The following EIF4G1 variants were observed in gnomAD, a reference collection of about 807,000 sequenced individuals.
EIF4G1 encodes EIF4-gamma.
EIF4G1 carries 4 observed loss-of-function variants against 187.8 expected under a neutral mutation model. That is an observed-to-expected ratio of 0.02 (90% confidence interval 0.01 to 0.05). EIF4G1 has a LOEUF of 0.05. EIF4G1 is among the 10% of genes least tolerant of loss of function. The pLI is 1.00. For missense variants in EIF4G1, 1,647 were observed against 2,081.1 expected (o/e 0.79, Z 4.06); for synonymous variants, 844 against 781.4 (o/e 1.08, Z -1.34).
rs570198770 is a variant in EIF4G1, at chr3:184,318,380, T to G, written c.424+564T>G. Among the ~76,000 whole-genome samples, 13 of 152,310 alleles carry G rather than the reference T, an allele frequency of 8.5e-5. No individual in the cohort carries two copies. The South Asian group carries it at 2.7e-3, about 32-fold the overall frequency. ...GATCTTGCTTGTAATCCCAGCACTT[T>G]GGGAGTCAGGAGGACTGCTTAAGGC... is the stretch of plus-strand genomic sequence containing the variant. On this transcript the variant is annotated intron_variant, in intron 6 of 32. Transcript: ENST00000346169.
chr3:184,317,385 C>T lies in EIF4G1; in HGVS notation c.212C>T (p.Pro71Leu), dbSNP rs758297253. Residue 71 changes from proline (P) to leucine (L), a missense_variant, in exon 5 of 33, where the codon CCT becomes CTT. Physicochemically the swap from Pro to Leu is moderately conservative, Grantham distance 98. This residue lies in a region of EIF4G1 where 139 missense variants were observed against 187.3 expected (regional missense o/e 0.74). Transcript: ENST00000346169. ...SAASRVQSAA[P>L]ARPGPAAHVY... Reference sequence around the variant, plus strand: ...GCCTCCCGAGTGCAGAGTGCAGCCCCTGCCCGCCCTGGCCCAGCTGCCCAT... The same window carrying T: ...GCCTCCCGAGTGCAGAGTGCAGCCCTTGCCCGCCCTGGCCCAGCTGCCCAT... 1 of 1,614,118 alleles carries T rather than the reference C, an allele frequency of 6.2e-7. No homozygotes were observed. Among genetic ancestry groups the T allele is most frequent in the South Asian group, 1.1e-5 (1 of 91,084 alleles).
rs1467408051 is a variant in EIF4G1 at position 184,324,943 on chromosome 3, T to C, written c.2685T>C (p.Ser895=). The C allele has an allele frequency of 8.7e-6, 14 of 1,614,122 alleles. No homozygotes were observed. The Admixed American group carries it at 2.3e-4, about 27-fold the overall frequency. The change falls in exon 18 of 33, where the codon TCT becomes TCC. Residue 895 remains serine (S), a synonymous_variant. Transcript: ENST00000346169. ...EEARDIARRR[S]LGNIKFIGEL... is the part of the protein sequence containing the mutation. ...CTCGGGACATAGCCCGGCGGCGCTC[T>C]TTAGGGAATATCAAGTTTATTGGAG...
chr3:184,326,612 C>A lies in EIF4G1; in HGVS notation c.3308C>A (p.Ala1103Asp). The change falls in exon 22 of 33, where the codon GCC becomes GAC. Residue 1103 changes from alanine to aspartate, a missense_variant. Ala to Asp is a moderately radical substitution (Grantham distance 126). Around this residue, in one of 11 missense-constraint regions of EIF4G1, gnomAD observed 142 missense variants for 296.6 expected, o/e 0.48. Coordinates refer to ENST00000346169, the MANE Select transcript of EIF4G1 (RefSeq NM_198241.3). ...WGKGSSGGSG[A>D]KPSDAASEAA... ...AAGGGCAGCAGCGGAGGCTCAGGAG[C>A]CAAGCCCTCAGACGCAGGTATGGAG... The A allele has an allele frequency of 6.2e-7, 1 of 1,610,752 alleles. No individual in the cohort carries two copies. Among genetic ancestry groups the A allele is most frequent in the South Asian group, 1.1e-5 (1 of 91,086 alleles).
At chr3:184,320,888 C>T (rs1723780402) in intron 8 of EIF4G1, 39 bp from the exon 9 acceptor site, 1 of 1,613,504 alleles carries the variant, frequency 6.2e-7, no homozygotes, top group Non-Finnish European at 8.5e-7. Flanking sequence ...GGTTGTGGGA[C>T]TCTTCAGTGC....
At chr3:184,316,289 T>G (rs1722762158) in intron 4 of EIF4G1, 71 bp downstream of exon 4, 1 of 1,575,510 alleles carries the variant, frequency 6.3e-7, no homozygotes, top group South Asian at 1.1e-5. Context: ...AGTTTAGGTC[T>G]AGGATGGAAA....
chr3:184,323,076 T>G lies in EIF4G1; in HGVS notation c.1930-7T>G, dbSNP rs1724197464. 6.2e-7 allele frequency: 1 copy of G among 1,614,196 alleles called. No homozygotes were observed. The highest frequency in any genetic ancestry group is 1.3e-5 in the African/African-American group (1 of 75,050). ...GCTTCTGAGACCTTTTCCTGTCCTC[T>G]TTGCAGGCCAATAAAACACCACTGC... is the stretch of plus-strand genomic sequence containing the variant. On this transcript the variant is annotated splice_polypyrimidine_tract_variant and splice_region_variant and intron_variant, in intron 13 of 32. Coordinates refer to ENST00000346169, the MANE Select transcript of EIF4G1 (RefSeq NM_198241.3). The surrounding 1 kb of genome is among the most constrained non-coding windows in gnomAD (Gnocchi z 6.9).
intron 6 of EIF4G1, chr3:184,319,311 G>A (rs536136086): frequency 3.9e-5 from 12 of 310,368 alleles, no homozygotes; most frequent in South Asian, 2.8e-4. Flanking sequence ...GAGTATGTGT[G>A]TACATGTTGA....
chr3:184,321,890 A>G lies in EIF4G1; in HGVS notation c.1306A>G (p.Thr436Ala), dbSNP rs764457704. The G allele has an allele frequency of 1.7e-5, 27 of 1,613,888 alleles. No individual in the cohort carries two copies. The highest frequency in any genetic ancestry group is 2.3e-5 in the Non-Finnish European group (27 of 1,180,004). The change falls in exon 10 of 33, where the codon ACC becomes GCC. Residue 436 changes from threonine to alanine, a missense_variant. By Grantham distance (58) the Thr-to-Ala change is moderately conservative. Around this residue, in one of 11 missense-constraint regions of EIF4G1, gnomAD observed 522 missense variants for 485.2 expected, o/e 1.08. Transcript: ENST00000346169. ...GGTGACAGCATCAATGGCGCCCCCC[A>G]CCATCCCCTCTGCTACTCCAGCTAC... ...KEVTASMAPP[T>A]IPSATPATAP... is the part of the protein sequence containing the mutation.
Position 184,325,612 on chromosome 3 carries a change from C to T in EIF4G1, c.3094C>T (p.Arg1032Trp), listed in dbSNP as rs778431870. The T allele has an allele frequency of 5.0e-6, 8 of 1,614,210 alleles. No homozygotes were observed. The highest frequency in any genetic ancestry group is 2.2e-5 in the East Asian group (1 of 44,880). The change falls in exon 20 of 33, where the codon CGG becomes TGG. Residue 1032 changes from arginine to tryptophan, a missense_variant. Physicochemically the swap from Arg to Trp is moderately radical, Grantham distance 101. This residue lies in a region of EIF4G1 where 142 missense variants were observed against 296.6 expected (regional missense o/e 0.48). Coordinates refer to ENST00000346169, the MANE Select transcript of EIF4G1 (RefSeq NM_198241.3). The surrounding 1 kb of genome is among the most constrained non-coding windows in gnomAD (Gnocchi z 5.2). The stretch of plus-strand genomic sequence containing the variant: ...CATGGCCAAGGGCAGTGACAAGCGT[C>T]GGGGCGGTCCTCCAGGCCCTCCCAT... Reference protein sequence around the residue: ...QLMAKGSDKRRGGPPGPPISR... With the variant: ...QLMAKGSDKRWGGPPGPPISR...
intron 3 of EIF4G1, 81 bp from the exon 4 acceptor site, chr3:184,316,051 C>G: frequency 1.0e-5 from 16 of 1,589,230 alleles, no homozygotes; most frequent in Non-Finnish European, 1.2e-5. Flanking sequence ...TGCCGCAGAT[C>G]TGCTCCCCTT....
chr3:184,322,018 A>G lies in EIF4G1; in HGVS notation c.1434A>G (p.Lys478=). The part of the protein sequence containing the change: ...AGEAGEAESE[K]GGEELLPPES... Reference sequence around the variant, plus strand: ...AAGCAGGAGAAGCTGAGAGTGAGAAAGGAGGAGAGGAACTGCTCCCCCCAG... The same window carrying G: ...AAGCAGGAGAAGCTGAGAGTGAGAAGGGAGGAGAGGAACTGCTCCCCCCAG... The change falls in exon 10 of 33, where the codon AAA becomes AAG. Residue 478 remains lysine (K), a synonymous_variant. Coordinates refer to ENST00000346169, the MANE Select transcript of EIF4G1 (RefSeq NM_198241.3). 1 of 1,614,100 alleles carries G rather than the reference A, an allele frequency of 6.2e-7. No homozygotes were observed.
intron 26 of EIF4G1, 52 bp from the exon 27 acceptor site, chr3:184,328,579 A>C: frequency 6.2e-7 from 1 of 1,613,592 alleles, no homozygotes; most frequent in South Asian, 1.1e-5. Context: ...TTGCCCCAGA[A>C]GGAGAGTGGG....
In EIF4G1 at chr3:184,327,720, G is replaced by T. The variant is rs368924404; in HGVS notation, c.3780+16G>T. ...TGACATGAAAGTAGGCAGTGGGAGC[G>T]GCGTGTGATTGAGGAGTGGGCAGGG... On this transcript the variant is annotated intron_variant, in intron 25 of 32. Coordinates refer to ENST00000346169, the MANE Select transcript of EIF4G1 (RefSeq NM_198241.3). The T allele has an allele frequency of 6.2e-7, 1 of 1,613,680 alleles. No homozygotes were observed. Among genetic ancestry groups the T allele is most frequent in the Admixed American group, 1.7e-5 (1 of 59,992 alleles).
Position 184,319,701 on chromosome 3 carries a change from A to G in EIF4G1, c.437A>G (p.Tyr146Cys). The change falls in exon 7 of 33, where the codon TAT (tyrosine) becomes TGT (cysteine). Residue 146 changes from tyrosine (Y) to cysteine (C), a missense_variant. By Grantham distance (194) the Tyr-to-Cys change is radical. This residue lies in a region of EIF4G1 where 139 missense variants were observed against 187.3 expected (regional missense o/e 0.74). Transcript: ENST00000346169. ...CCCCTCCCCCAAGCTGGCGCCTACT[A>G]TCCAGCCCAAGGGGTGCAGCAGTTT... is the stretch of plus-strand genomic sequence containing the variant. ...TEFGTYAGAY[Y>C]PAQGVQQFPT... The G allele has an allele frequency of 5.6e-6, 9 of 1,598,412 alleles. No individual in the cohort carries two copies. Among genetic ancestry groups the G allele is most frequent in the Non-Finnish European group, 7.7e-6 (9 of 1,172,638 alleles).
chr3:184,327,946 G>T lies in EIF4G1; in HGVS notation c.3897G>T (p.Gln1299His). Residue 1299 changes from glutamine to histidine, a missense_variant, in exon 26 of 33, where the codon CAG becomes CAT. Transcript: ENST00000346169. ...RSAIAREHMG[Q>H]LLHQLLCAGH... ...CCATTGCTCGTGAGCATATGGGGCA[G>T]CTGCTGCACCAGCTGCTCTGTGCTG... is the stretch of plus-strand genomic sequence containing the variant. 6.2e-7 allele frequency: 1 copy of T among 1,611,706 alleles called. No homozygotes were observed. Among genetic ancestry groups the T allele is most frequent in the Non-Finnish European group, 8.5e-7 (1 of 1,180,034 alleles).
intron 7 of EIF4G1, 81 bp downstream of exon 7, chr3:184,319,882 G>C: frequency 9.5e-7 from 1 of 1,051,592 alleles, no homozygotes; most frequent in Non-Finnish European, 1.4e-6. Flanking sequence ...GTGCCGGAAA[G>C]AGCAGTGACT....
rs780755870 is a variant in EIF4G1 at position 184,320,954 on chromosome 3, A to T, written c.658A>T (p.Asn220Tyr). 1.2e-6 allele frequency: 2 copies of T among 1,614,202 alleles called. No homozygotes were observed. Among genetic ancestry groups the T allele is most frequent in the South Asian group, 2.2e-5 (2 of 91,082 alleles). The change falls in exon 9 of 33, where the codon AAT becomes TAT. Residue 220 changes from asparagine to tyrosine, a missense_variant. By Grantham distance (143) the Asn-to-Tyr change is moderately radical (BLOSUM62 -2). Coordinates refer to ENST00000346169, the MANE Select transcript of EIF4G1 (RefSeq NM_198241.3). ...GGGAGGCGGTCTGGAGCCTCAAGCT[A>T]ATGGGGAGACGCCCCAGGTTGCTGT... ...QTGGGLEPQA[N>Y]GETPQVAVIV...
chr3:184,316,643 G>C, intron 4 of EIF4G1: 2 of 1,443,004 alleles, frequency 1.4e-6, no homozygotes, highest in Non-Finnish European at 1.9e-6. Flanking sequence ...CTGTCTTATT[G>C]CCTTCATTCC....
rs184912002 is a variant in EIF4G1, at chr3:184,318,596, T to C, written c.424+780T>C. On this transcript the variant is annotated intron_variant, in intron 6 of 32. Transcript: ENST00000346169. ...GTGAAGCTCCGTCTCTACTAAATTT[T>C]ATTGTTATTATTTTAATTTTCTTTT... Among the ~76,000 whole-genome samples the C allele has an allele frequency of 5.7e-3, 864 of 152,238 alleles. 3 individuals carry two copies. The highest frequency in any genetic ancestry group is 9.2e-3 in the Non-Finnish European group (623 of 68,022).
Sources: allele counts gnomAD v4.1 joint callset (sites outside exome capture counted in the v4.1 genomes callset), GRCh38; gene constraint gnomAD v4.1.1; regional missense constraint gnomAD v4.1.1; non-coding constraint Gnocchi (gnomAD v3.1); transcripts MANE v1.5; gene names NCBI Gene and HGNC (gene_info 2026-07-23, HGNC 2026-07-21).